The following MOGAT3 variants were observed in gnomAD, a reference collection of about 807,000 sequenced individuals.
MOGAT3 encodes monoacylglycerol O-acyltransferase 3.
MOGAT3 carries 39 observed loss-of-function variants against 34.4 expected under a neutral mutation model. That is an observed-to-expected ratio of 1.13 (90% CI 0.88 to 1.48). MOGAT3 has a LOEUF of 1.48. Among genes scored for constraint, MOGAT3 ranks in the 40% most tolerant of loss-of-function variants. The pLI is 0.00. For synonymous variants in MOGAT3, 209 were observed against 179.2 expected (o/e 1.17, Z -1.33); for missense variants, 439 against 438.9 (o/e 1.00, Z 0.00).
chr7:101,198,044 C>A, intron 5 of MOGAT3, 147 bp downstream of exon 5: 1 of 778,032 alleles, frequency 1.3e-6, no homozygotes, highest in African/African-American at 1.8e-5. Flanking sequence ...GAGTCATGCC[C>A]TGGAGAGCCC....
intron 6 of MOGAT3, 21 bp from the exon 7 acceptor site, chr7:101,196,121 G>C (rs2116761859): frequency 6.3e-7 from 1 of 1,592,388 alleles, no homozygotes; most frequent in South Asian, 1.1e-5. Context: ...AGGGAGACAG[G>C]TGGGCGAGGG....
chr7:101,195,019 A>T lies in MOGAT3; in HGVS notation c.*927T>A, dbSNP rs1199185660. 2 of 152,260 alleles carry T rather than the reference A, an allele frequency of 1.3e-5. No individual in the cohort carries two copies. The highest frequency in any genetic ancestry group is 1.3e-4 in the Admixed American group (2 of 15,266). The allele number at this position is 152,260 out of a possible 1,614,324, so 9.4% of individuals were successfully genotyped here. A position where few individuals can be genotyped will look rare whatever the true frequency, so the allele number is the denominator to read the frequency against. On this transcript the variant is annotated 3_prime_UTR_variant, in exon 7 of 7. Coordinates refer to ENST00000223114, the MANE Select transcript of MOGAT3 (RefSeq NM_178176.4). ...TGCCCAACAGCTCTTTGCTAAGCAG[A>T]TGCCTTTATTTACAGACAAAGAAGT...
chr7:101,199,214 G>T (rs978343260), intron 3 of MOGAT3, among the ~76,000 whole-genome samples: 1 of 151,746 alleles, frequency 6.6e-6, no homozygotes. Context: ...CACCATATTG[G>T]CCAGGTTGGT....
chr7:101,200,746 C>G lies in MOGAT3; in HGVS notation c.109G>C (p.Gly37Arg), dbSNP rs1424440164. Residue 37 changes from glycine to arginine, a missense_variant and splice_region_variant, in exon 1 of 7, where the codon GGC becomes CGC. By Grantham distance (125) the Gly-to-Arg change is moderately radical. Transcript: ENST00000223114. ...YQYVLTFLFM[G>R]PFFSLLVFVL... The stretch of plus-strand genomic sequence containing the variant: ...GCACCCACGCCTCCCCAGCTCTCAC[C>G]CATGAAGAGGAAAGTGAGCACATAT... 6.2e-7 allele frequency: 1 copy of G among 1,613,242 alleles called. No individual in the cohort carries two copies.
At position 101,198,780 on chromosome 7, in the gene MOGAT3, G is replaced by A. The variant is rs1562885078; in HGVS notation, c.339C>T (p.Ala113=). 3.1e-6 allele frequency: 5 copies of A among 1,613,970 alleles called. No homozygotes were observed. Among genetic ancestry groups the A allele is most frequent in the Non-Finnish European group, 4.2e-6 (5 of 1,179,992 alleles). The change falls in exon 4 of 7, where the codon GCC becomes GCT. Residue 113 remains alanine, a synonymous_variant. Transcript: ENST00000223114. ...CTGTACACATGATCCCATGAGGGTG[G>A]GCGCCCAGCACGTAGTTCCGATCCG... ...LPPDRNYVLG[A]HPHGIMCTGF...
downstream of MOGAT3, among the ~76,000 whole-genome samples, chr7:101,194,285 TC>T (rs113473952): frequency 6.7e-3 from 1,025 of 152,206 alleles, 10 homozygotes; most frequent in African/African-American, 0.023. Context: ...CCTCCCGTGT[TC>T]AAGCAATTCT....
chr7:101,197,731 C>G (rs1295011748), intron 5 of MOGAT3, among the ~76,000 whole-genome samples: 1 of 152,108 alleles, frequency 6.6e-6, no homozygotes, highest in Non-Finnish European at 1.5e-5. Flanking sequence ...GAAACCCCGT[C>G]TCTACTAAAA....
At position 101,198,679 on chromosome 7, in the gene MOGAT3, A is replaced by G; in HGVS notation, c.440T>C (p.Val147Ala). Residue 147 changes from valine to alanine, a missense_variant, in exon 4 of 7, where the codon GTG becomes GCG. Coordinates refer to ENST00000223114, the MANE Select transcript of MOGAT3 (RefSeq NM_178176.4). ...LFPGLRPWLA[V>A]LAGLFYLPVY... Reference sequence around the variant, plus strand: ...CGGGAGGTAGAAGAGGCCAGCCAGCACGGCTAACCAGGGCCGGAGCCCCGG... The same window carrying G: ...CGGGAGGTAGAAGAGGCCAGCCAGCGCGGCTAACCAGGGCCGGAGCCCCGG... The G allele has an allele frequency of 6.2e-7, 1 of 1,613,078 alleles. No individual in the cohort carries two copies. Among genetic ancestry groups the G allele is most frequent in the Non-Finnish European group, 8.5e-7 (1 of 1,179,982 alleles).
Position 101,198,373 on chromosome 7 carries a change from C to A in MOGAT3, c.494-8G>T, listed in dbSNP as rs1797857532. 3.9e-6 allele frequency: 6 copies of A among 1,531,854 alleles called. No individual in the cohort carries two copies. The highest frequency in any genetic ancestry group is 2.1e-5 in the Admixed American group (1 of 47,800). The allele number at this position is 1,531,854 out of a possible 1,614,324, so 94.9% of individuals were successfully genotyped here. On this transcript the variant is annotated splice_region_variant and splice_polypyrimidine_tract_variant and intron_variant, in intron 4 of 6. Transcript: ENST00000223114. ...GGCTCACCGGACAGAGTCCTGTGGGCAGGAGGAGGTGGAAAGTAGTTCCCA... is the reference window on the plus strand; with the variant it reads ...GGCTCACCGGACAGAGTCCTGTGGGAAGGAGGAGGTGGAAAGTAGTTCCCA...
Position 101,198,625 on chromosome 7 carries a change from C to G in MOGAT3, c.493+1G>C. ...CGTTCTCCTCCTCCCATTCGGCTCA[C>G]CAAAGGACATGATGTAGTCGCGATA... On this transcript the variant is annotated splice_donor_variant, in intron 4 of 6. Coordinates refer to ENST00000223114, the MANE Select transcript of MOGAT3 (RefSeq NM_178176.4). LOFTEE classifies it high-confidence loss of function. 1 of 1,612,692 alleles carries G rather than the reference C, an allele frequency of 6.2e-7. No individual in the cohort carries two copies. The highest frequency in any genetic ancestry group is 1.1e-5 in the South Asian group (1 of 91,026).
chr7:101,197,463 C>G (rs1050366326), intron 5 of MOGAT3, among the ~76,000 whole-genome samples: 6 of 152,124 alleles, frequency 3.9e-5, no homozygotes, highest in African/African-American at 4.8e-5. Context: ...ACTGGGATTG[C>G]AAGTGTGAAC....
chr7:101,197,950 C>T (rs369403641), intron 5 of MOGAT3, among the ~76,000 whole-genome samples: 2 of 152,218 alleles, frequency 1.3e-5, no homozygotes, highest in Non-Finnish European at 2.9e-5. Context: ...CTTCTGAGAC[C>T]GAGGGCCCTG....
In MOGAT3 at chr7:101,198,553, G is replaced by A. The variant is rs1055412014; in HGVS notation, c.493+73C>T. 111 of 1,443,546 alleles carry A rather than the reference G, an allele frequency of 7.7e-5. 3 individuals carry two copies. In the Admixed American group the frequency reaches 2.1e-3, roughly 28 times the overall value. 89.4% of individuals were successfully genotyped at this position (1,443,546 alleles called of 1,614,324 possible). ...TGGGTGGGGGACTTATTATGGGGGGGGGTGGTCCCAGAGGGGCTGGGGAAC... is the reference window on the plus strand; with the variant it reads ...TGGGTGGGGGACTTATTATGGGGGGAGGTGGTCCCAGAGGGGCTGGGGAAC... On this transcript the variant is annotated intron_variant, in intron 4 of 6. Transcript: ENST00000223114.
chr7:101,199,007 T>G (rs1057243675), intron 3 of MOGAT3, among the ~76,000 whole-genome samples, 177 bp from the exon 4 acceptor site: 2 of 149,452 alleles, frequency 1.3e-5, no homozygotes, highest in Admixed American at 1.3e-4. Context: ...CAGGTTTTTT[T>G]TTTTTTTTTT....
rs773210971 is a variant in MOGAT3 at position 101,200,447 on chromosome 7, A to G, written c.178T>C (p.Leu60=). 2.5e-6 allele frequency: 4 copies of G among 1,611,666 alleles called. No individual in the cohort carries two copies. Among genetic ancestry groups the G allele is most frequent in the South Asian group, 1.1e-5 (1 of 90,938 alleles). ...TSLWPFSVFY[L]VWLYVDWDTP... is the part of the protein sequence containing the mutation. Reference sequence around the variant, plus strand: ...TCCCAGTCCACATAGAGCCACACCAAGTAAAAAACAGAGAAGGGCCAGAGT... The same window carrying G: ...TCCCAGTCCACATAGAGCCACACCAGGTAAAAAACAGAGAAGGGCCAGAGT... Residue 60 remains leucine (L), a synonymous_variant, in exon 2 of 7, where the codon TTG becomes CTG. Transcript: ENST00000223114.
At position 101,198,346 on chromosome 7, in the gene MOGAT3, G is replaced by T; in HGVS notation, c.513C>A (p.Arg171=). ...IMSFGLCPVS[R]QSLDFILSQP... ...GGGACAGGATGAAGTCCAGGCTCTG[G>T]CGGCTCACCGGACAGAGTCCTGTGG... The change falls in exon 5 of 7, where the codon CGC becomes CGA. Residue 171 remains arginine, a synonymous_variant. Transcript: ENST00000223114. 1 of 1,559,408 alleles carries T rather than the reference G, an allele frequency of 6.4e-7. No individual in the cohort carries two copies. The highest frequency in any genetic ancestry group is 1.9e-5 in the Admixed American group (1 of 52,582).
chr7:101,195,532 T>A lies in MOGAT3; in HGVS notation c.*414A>T, dbSNP rs1797754265. 1 of 115,798 alleles carries A rather than the reference T, an allele frequency of 8.6e-6. No homozygotes were observed. Among genetic ancestry groups the A allele is most frequent in the East Asian group, 2.9e-4 (1 of 3,452 alleles). The allele number at this position is 115,798 out of a possible 1,614,324, so 7.2% of individuals were successfully genotyped here. On this transcript the variant is annotated 3_prime_UTR_variant, in exon 7 of 7. Transcript: ENST00000223114. ...GCCCAGCCTACTACAGCTTTAACAG[T>A]CTTTTTTTTTTTTTTTTTTTTTTTT...
At chr7:101,200,333 A>AC (rs1351632919) in intron 2 of MOGAT3, 29 bp from the exon 3 acceptor site, 1 of 1,612,264 alleles carries the variant, frequency 6.2e-7, no homozygotes, top group South Asian at 1.1e-5. Context: ...TGGTGGACGA[A>AC]CCCCCGGAGT....
chr7:101,196,892 G>A (rs567004990), intron 5 of MOGAT3, among the ~76,000 whole-genome samples: 1 of 151,390 alleles, frequency 6.6e-6, no homozygotes, highest in South Asian at 2.1e-4. Flanking sequence ...GCTGGGTGCG[G>A]TGGCTCATGC....
Sources: allele counts gnomAD v4.1 joint callset (sites outside exome capture counted in the v4.1 genomes callset), GRCh38; gene constraint gnomAD v4.1.1; transcripts MANE v1.5; gene names NCBI Gene and HGNC (gene_info 2026-07-23, HGNC 2026-07-21).